SLC25A21: variants seen among roughly 807,000 people sequenced by gnomAD.
SLC25A21 encodes mitochondrial 2-oxodicarboxylate carrier.
A neutral mutation model predicts 43.8 loss-of-function variants in SLC25A21; 47 were observed. That is an observed-to-expected ratio of 1.07 (90% CI 0.85 to 1.37). SLC25A21 has a LOEUF of 1.37. SLC25A21 is among the 40% of genes most tolerant of loss of function. The pLI, the probability that SLC25A21 is intolerant of heterozygous loss-of-function variation, is 0.00. For missense variants in SLC25A21, 352 were observed against 350.2 expected, an observed-to-expected ratio of 1.00 and a Z score of -0.04; for synonymous variants, 131 against 121.3, an observed-to-expected ratio of 1.08 and a Z score of -0.52.
chr14:36,682,940 A>C (rs1307998130), intron 9 of SLC25A21, among the ~76,000 whole-genome samples: 1 of 152,150 alleles, frequency 6.6e-6, no homozygotes, highest in African/African-American at 2.4e-5. Flanking sequence ...GCTGAGATCT[A>C]AAGGTGAATG....
chr14:36,725,601 C>G lies in SLC25A21; in HGVS notation c.407G>C (p.Gly136Ala), dbSNP rs1884569119. 3.8e-6 allele frequency: 6 copies of G among 1,591,746 alleles called. No homozygotes were observed. The highest frequency in any genetic ancestry group is 1.4e-5 in the African/African-American group (1 of 73,876). Residue 136 changes from glycine (G) to alanine (A), a missense_variant, in exon 6 of 10, where the codon GGC (glycine) becomes GCC (alanine). Transcript: ENST00000331299. ...VVNPFEVVKV[G>A]LQANRNTFAE... ...AAATGTGTTCCGATTTGCTTGCAAG[C>G]CAACTTTTACTACCTCAAAAGGGTT...
intron 1 of SLC25A21, among the ~76,000 whole-genome samples, chr14:37,010,134 A>C (rs1362672909): frequency 1.3e-5 from 2 of 152,162 alleles, no homozygotes; most frequent in Non-Finnish European, 2.9e-5. Context: ...ATATAATGGG[A>C]TGGTTTAAGA....
intron 1 of SLC25A21, among the ~76,000 whole-genome samples, chr14:37,048,869 C>A (rs1260384501): frequency 6.6e-6 from 1 of 152,096 alleles, no homozygotes; most frequent in African/African-American, 2.4e-5. Flanking sequence ...CTAGTTTTGC[C>A]AAAGACTTTT....
intron 1 of SLC25A21, among the ~76,000 whole-genome samples, chr14:37,100,373 A>T (rs939347281): frequency 6.6e-6 from 1 of 151,958 alleles, no homozygotes; most frequent in Non-Finnish European, 1.5e-5. Flanking sequence ...CACCTCTAGG[A>T]AGGCTTCCCT....
At chr14:37,161,978 A>G (rs1302831170) in intron 1 of SLC25A21, among the ~76,000 whole-genome samples, 3 of 150,546 alleles carry the variant, frequency 2.0e-5, no homozygotes, top group African/African-American at 7.3e-5. Context: ...AAAAAAAAAA[A>G]AAAAAGAAAT....
rs182152171 is a variant in SLC25A21 at position 36,732,287 on chromosome 14, T to C, written c.270+2220A>G. On this transcript the variant is annotated intron_variant, in intron 4 of 9. Transcript: ENST00000331299. ...ACTGTAGTGAACTAATTAGCCTTCA[T>C]AGTTTATAATCTCTTGTGAATTTAG... Among the ~76,000 whole-genome samples the C allele has an allele frequency of 3.2e-3, 487 of 152,106 alleles. 3 individuals carry two copies. Among genetic ancestry groups the C allele is most frequent in the African/African-American group, 0.011 (453 of 41,464 alleles).
intron 1 of SLC25A21, among the ~76,000 whole-genome samples, chr14:36,891,532 T>C (rs1341761527): frequency 6.6e-6 from 1 of 152,202 alleles, no homozygotes; most frequent in African/African-American, 2.4e-5. Flanking sequence ...TTTATTCTCT[T>C]ATACACTAAA....
At chr14:37,132,779 G>A (rs910561014) in intron 1 of SLC25A21, among the ~76,000 whole-genome samples, 1 of 151,482 alleles carries the variant, frequency 6.6e-6, no homozygotes, top group Non-Finnish European at 1.5e-5. Context: ...ACCCAGGCTG[G>A]AGTTCATTGG....
chr14:37,023,309 T>C (rs10148406), intron 1 of SLC25A21, among the ~76,000 whole-genome samples: 70,324 of 151,778 alleles, frequency 0.46, 19,131 homozygotes, highest in African/African-American at 0.77. Context: ...TCAGATTAAA[T>C]TTTTTAAAAT....
intron 1 of SLC25A21, among the ~76,000 whole-genome samples, chr14:36,922,470 G>A (rs186158014): frequency 1.3e-5 from 2 of 152,052 alleles, no homozygotes; most frequent in African/African-American, 4.8e-5. Flanking sequence ...GCTCCAATTT[G>A]CAGGACAGAA....
chr14:36,804,475 G>C lies in SLC25A21; in HGVS notation c.203+9443C>G, dbSNP rs74044996. ...TACTTGTTTCTTCACCAGAAAACTA[G>C]AACTGTACTCCTCATCCTCCTACCT... On this transcript the variant is annotated intron_variant, in intron 3 of 9. Coordinates refer to ENST00000331299, the MANE Select transcript of SLC25A21 (RefSeq NM_030631.4). Among the ~76,000 whole-genome samples the C allele has an allele frequency of 9.1e-3, 1,389 of 152,286 alleles. 23 individuals carry two copies. The highest frequency in any genetic ancestry group is 0.03 in the African/African-American group (1,254 of 41,564).
At chr14:36,748,783 CCTA>C (rs1351591527) in intron 3 of SLC25A21, among the ~76,000 whole-genome samples, 1 of 152,174 alleles carries the variant, frequency 6.6e-6, no homozygotes, top group Non-Finnish European at 1.5e-5. Flanking sequence ...CCTCCAGTCA[CCTA>C]CTAACCATCT....
chr14:37,117,077 G>A (rs1963119319), intron 1 of SLC25A21, among the ~76,000 whole-genome samples: 1 of 152,044 alleles, frequency 6.6e-6, no homozygotes, highest in Admixed American at 6.6e-5. Flanking sequence ...GTTTATAGCT[G>A]AAAAATGTAC....
At chr14:37,062,567 C>G (rs776260836) in intron 1 of SLC25A21, among the ~76,000 whole-genome samples, 3 of 152,106 alleles carry the variant, frequency 2.0e-5, no homozygotes, top group Non-Finnish European at 4.4e-5. Context: ...TATTCAGATG[C>G]TCGCTGTTTG....
intron 1 of SLC25A21, among the ~76,000 whole-genome samples, chr14:37,032,503 TCC>T (rs1220983247): frequency 6.6e-6 from 1 of 152,008 alleles, no homozygotes; most frequent in East Asian, 1.9e-4. Flanking sequence ...GCCACTGCAC[TCC>T]AGCCTGGGCT....
intron 7 of SLC25A21, among the ~76,000 whole-genome samples, chr14:36,696,212 ATTGATT>A (rs1251348283): frequency 6.6e-6 from 1 of 152,174 alleles, no homozygotes; most frequent in African/African-American, 2.4e-5. Flanking sequence ...GATTATGTTT[ATTGATT>A]TGCATATGTT....
intron 1 of SLC25A21, among the ~76,000 whole-genome samples, chr14:36,914,405 G>A (rs1327028084): frequency 6.6e-6 from 1 of 152,158 alleles, no homozygotes; most frequent in African/African-American, 2.4e-5. Context: ...AGAAAAGGAT[G>A]ATTAATATAA....
chr14:37,087,056 C>T (rs1962499177), intron 1 of SLC25A21, among the ~76,000 whole-genome samples: 1 of 152,122 alleles, frequency 6.6e-6, no homozygotes, highest in Non-Finnish European at 1.5e-5. Flanking sequence ...AAAAAAGAGT[C>T]CATGGCCCTC....
chr14:36,696,387 T>G (rs1289451777), intron 7 of SLC25A21, among the ~76,000 whole-genome samples: 1 of 152,206 alleles, frequency 6.6e-6, no homozygotes, highest in Non-Finnish European at 1.5e-5. Context: ...GTTGTGTCTC[T>G]GCCAGGCTTT....
Sources: gnomAD v4.1 joint callset for allele counts (sites outside exome capture counted in the v4.1 genomes callset) on GRCh38, gnomAD v4.1.1 for gene constraint, MANE v1.5 for transcripts, NCBI Gene and HGNC (gene_info 2026-07-23, HGNC 2026-07-21) for gene names.